TBX4: variants seen among roughly 807,000 people sequenced by gnomAD.
TBX4 encodes T-box transcription factor TBX4.
Under a neutral mutation model 54.6 loss-of-function variants are expected in TBX4, and 13 were observed. The observed-to-expected ratio is 0.24, with a 90% CI of 0.15 to 0.38. The LOEUF is 0.38. TBX4 is among the 10% of genes least tolerant of loss of function. TBX4 has a pLI of 1.00. For missense variants in TBX4, 631 were observed against 728.5 expected (o/e 0.87, Z 1.54); for synonymous variants, 314 against 306.7 (o/e 1.02, Z -0.25).
At position 61,457,206 on chromosome 17, in the gene TBX4, T is replaced by C. The variant is rs1312737377; in HGVS notation, c.187-331T>C. ...GGCCGAGGGTGCGTGCGCCTCTCCCTGTCTGTGTCTGCCCCGGGAGCCTGT... is the reference window on the plus strand; with the variant it reads ...GGCCGAGGGTGCGTGCGCCTCTCCCCGTCTGTGTCTGCCCCGGGAGCCTGT... On this transcript the variant is annotated intron_variant, in intron 2 of 8. Transcript: ENST00000644296. This position sits in a 1 kb window ranked among gnomAD's most constrained non-coding sequence, Gnocchi z 8.2. Among the ~76,000 whole-genome samples the C allele has an allele frequency of 6.6e-6, 1 of 152,030 alleles. No individual in the cohort carries two copies. Among genetic ancestry groups the C allele is most frequent in the Non-Finnish European group, 1.5e-5 (1 of 67,982 alleles).
In TBX4 at chr17:61,452,516, G is replaced by A. The variant is rs2060421764; in HGVS notation, c.-65G>A. ...GAGCCCCGGCCGTCCCGCGCTCCTCGGACCCGAACCTGCAGGGGACCTCGG... is the reference window on the plus strand; with the variant it reads ...GAGCCCCGGCCGTCCCGCGCTCCTCAGACCCGAACCTGCAGGGGACCTCGG... On this transcript the variant is annotated 5_prime_UTR_variant, in exon 1 of 9. Transcript: ENST00000644296. The A allele has an allele frequency of 6.6e-6, 1 of 152,356 alleles. No homozygotes were observed. The highest frequency in any genetic ancestry group is 2.4e-5 in the African/African-American group (1 of 41,454). The allele number at this position is 152,356 out of a possible 1,614,324, so 9.4% of individuals were successfully genotyped here.
intron 4 of TBX4, among the ~76,000 whole-genome samples, chr17:61,466,543 C>T (rs2060538663): frequency 6.6e-6 from 1 of 152,336 alleles, no homozygotes. Context: ...TTTCATGAAG[C>T]CAACTCCTTA....
At position 61,466,153 on chromosome 17, in the gene TBX4, G is replaced by C. The variant is rs3744446; in HGVS notation, c.401+215G>C. 0.097 allele frequency among the ~76,000 whole-genome samples: 14,800 copies of C among 152,134 alleles called. 808 individuals carry two copies. Among genetic ancestry groups the C allele is most frequent in the East Asian group, 0.2 (1,043 of 5,148 alleles). On this transcript the variant is annotated intron_variant, in intron 4 of 8. Coordinates refer to ENST00000644296, the MANE Select transcript of TBX4 (RefSeq NM_001321120.2). ...GGTGGGGCTGGGTTTGGGCTGAAAA[G>C]CAGCTGCGTGTTTGGGAGTTTGGTG...
intron 5 of TBX4, among the ~76,000 whole-genome samples, chr17:61,477,941 C>CAAAAAAAAAAAAAAAAAGAAAAAAAAAAA: frequency 1.1e-5 from 1 of 88,668 alleles, no homozygotes; most frequent in Non-Finnish European, 2.3e-5. Context: ...GATTCCATCT[C>CAAAAAAAAAAAAAAAAAGAAAAAAAAAAA]AAAAAAAAAA....
rs1048738405 is a variant in TBX4, at chr17:61,483,862, A to T, written c.*346A>T. On this transcript the variant is annotated 3_prime_UTR_variant, in exon 9 of 9. Coordinates refer to ENST00000644296, the MANE Select transcript of TBX4 (RefSeq NM_001321120.2). This position sits in a 1 kb window ranked among gnomAD's most constrained non-coding sequence, Gnocchi z 6.6. ...TATTGAGAGGGTTTTATAATGGTTG[A>T]TTTACTCAGGGGCCAGGTGGGGAGT... The T allele has an allele frequency of 3.3e-6, 1 of 303,038 alleles. No homozygotes were observed. Among genetic ancestry groups the T allele is most frequent in the Non-Finnish European group, 6.4e-6 (1 of 156,352 alleles). The allele number at this position is 303,038 out of a possible 1,614,324, so 18.8% of individuals were successfully genotyped here.
At chr17:61,473,485 C>G (rs997982000) in intron 5 of TBX4, among the ~76,000 whole-genome samples, 1 of 152,212 alleles carries the variant, frequency 6.6e-6, no homozygotes, top group Non-Finnish European at 1.5e-5. Context: ...AGATGTCCCC[C>G]CAAAGCTTAT....
rs566588505 is a variant in TBX4 at position 61,459,009 on chromosome 17, C to A, written c.281+1378C>A. Among the ~76,000 whole-genome samples the A allele has an allele frequency of 6.6e-6, 1 of 152,376 alleles. No individual in the cohort carries two copies. The highest frequency in any genetic ancestry group is 1.5e-5 in the Non-Finnish European group (1 of 68,040). On this transcript the variant is annotated intron_variant, in intron 3 of 8. Transcript: ENST00000644296. This position sits in a 1 kb window ranked among gnomAD's most constrained non-coding sequence, Gnocchi z 4.8. The stretch of plus-strand genomic sequence containing the variant: ...GTGGAGGTCTGGGCACTTGGCCACC[C>A]TCAGGCCTTAGCCAGGGAGGTGGCA...
chr17:61,472,675 C>A lies in TBX4; in HGVS notation c.549+5018C>A, dbSNP rs1375619037. ...ATTTTGAGTTATTGAAAGCCCTAACCCCCCTCCTTACTTATAAGGGACTTT... is the reference window on the plus strand; with the variant it reads ...ATTTTGAGTTATTGAAAGCCCTAACACCCCTCCTTACTTATAAGGGACTTT... On this transcript the variant is annotated intron_variant, in intron 5 of 8. Transcript: ENST00000644296. The surrounding 1 kb of genome is among the most constrained non-coding windows in gnomAD (Gnocchi z 4.5). Among the ~76,000 whole-genome samples, 1 of 152,158 alleles carries A rather than the reference C, an allele frequency of 6.6e-6. No homozygotes were observed. The highest frequency in any genetic ancestry group is 2.4e-5 in the African/African-American group (1 of 41,438).
chr17:61,480,449 G>C lies in TBX4; in HGVS notation c.1021+130G>C, dbSNP rs183407680. The C allele has an allele frequency of 1.2e-5, 10 of 859,988 alleles. No individual in the cohort carries two copies. The East Asian group carries it at 2.6e-4, about 23-fold the overall frequency. The allele number at this position is 859,988 out of a possible 1,614,324, so 53.3% of individuals were successfully genotyped here. A position where few individuals can be genotyped will look rare whatever the true frequency, so the allele number is the denominator to read the frequency against. ...TCGTGCTTGTGTGGCCTGGGAGAGTGGGCCTGAAGGGTTAGGGATCACAGC... is the reference window on the plus strand; with the variant it reads ...TCGTGCTTGTGTGGCCTGGGAGAGTCGGCCTGAAGGGTTAGGGATCACAGC... On this transcript the variant is annotated intron_variant, in intron 8 of 8. Transcript: ENST00000644296. The surrounding 1 kb of genome is among the most constrained non-coding windows in gnomAD (Gnocchi z 6.2).
Position 61,483,613 on chromosome 17 carries a change from AGTGTGTGTGTGTGTGTGTGTGT to A in TBX4, c.*116_*137del. 4 of 781,268 alleles carry A rather than the reference AGTGTGTGTGTGTGTGTGTGTGT, an allele frequency of 5.1e-6. No individual in the cohort carries two copies. Among genetic ancestry groups the A allele is most frequent in the Non-Finnish European group, 8.2e-6 (4 of 486,740 alleles). The allele number at this position is 781,268 out of a possible 1,614,324, so 48.4% of individuals were successfully genotyped here. ...ACCAAGAAACACAGGAAGGTATTCC[AGTGTGTGTGTGTGTGTGTGTGT>A]GTGTGTGTGTGTGTGTGTATACACG... On this transcript the variant is annotated 3_prime_UTR_variant, in exon 9 of 9. Transcript: ENST00000644296. This position sits in a 1 kb window ranked among gnomAD's most constrained non-coding sequence, Gnocchi z 6.6.
At position 61,484,214 on chromosome 17, in the gene TBX4, T is replaced by G. The variant is rs1202317529; in HGVS notation, c.*698T>G. 1 of 152,088 alleles carries G rather than the reference T, an allele frequency of 6.6e-6. No individual in the cohort carries two copies. Among genetic ancestry groups the G allele is most frequent in the East Asian group, 1.9e-4 (1 of 5,184 alleles). 9.4% of individuals were successfully genotyped at this position (152,088 alleles called of 1,614,324 possible). On this transcript the variant is annotated 3_prime_UTR_variant, in exon 9 of 9. Coordinates refer to ENST00000644296, the MANE Select transcript of TBX4 (RefSeq NM_001321120.2). The surrounding 1 kb of genome is among the most constrained non-coding windows in gnomAD (Gnocchi z 4.1). The stretch of plus-strand genomic sequence containing the variant: ...GGGCTAAATGTCACCTGAGGGGTAT[T>G]TTTAAAGGGTTTTTTTTTCCCTTCA...
chr17:61,465,648 G>A lies in TBX4; in HGVS notation c.282-171G>A. 1.2e-6 allele frequency: 1 copy of A among 811,706 alleles called. No homozygotes were observed. The highest frequency in any genetic ancestry group is 2.6e-5 in the East Asian group (1 of 38,198). 50.3% of individuals were successfully genotyped at this position (811,706 alleles called of 1,614,324 possible). Reference sequence around the variant, plus strand: ...GCCAGTGCCACCTTTTCACTGTGCAGCTCGGGCAGAGGGGGAAGTGAGTTG... The same window carrying A: ...GCCAGTGCCACCTTTTCACTGTGCAACTCGGGCAGAGGGGGAAGTGAGTTG... On this transcript the variant is annotated intron_variant, in intron 3 of 8. Transcript: ENST00000644296. The surrounding 1 kb of genome is among the most constrained non-coding windows in gnomAD (Gnocchi z 4.9).
In TBX4 at chr17:61,474,739, A is replaced by C. The variant is rs144505717; in HGVS notation, c.550-3888A>C. On this transcript the variant is annotated intron_variant, in intron 5 of 8. Coordinates refer to ENST00000644296, the MANE Select transcript of TBX4 (RefSeq NM_001321120.2). This position sits in a 1 kb window ranked among gnomAD's most constrained non-coding sequence, Gnocchi z 4.6. Reference sequence around the variant, plus strand: ...TTTGGCCCCATATCCTCTGCAGCAAATATAAATGTGAAACTCTGGCAAAGT... The same window carrying C: ...TTTGGCCCCATATCCTCTGCAGCAACTATAAATGTGAAACTCTGGCAAAGT... Among the ~76,000 whole-genome samples the C allele has an allele frequency of 5.3e-5, 8 of 152,336 alleles. No homozygotes were observed. The East Asian group carries it at 1.5e-3, about 29-fold the overall frequency.
At position 61,457,989 on chromosome 17, in the gene TBX4, A is replaced by C. The variant is rs1335086509; in HGVS notation, c.281+358A>C. On this transcript the variant is annotated intron_variant, in intron 3 of 8. Transcript: ENST00000644296. This position sits in a 1 kb window ranked among gnomAD's most constrained non-coding sequence, Gnocchi z 8.2. ...GAGGAGGTTTCTCAGGAATGCATTGATTGGAGACCCAGAGATGCCTCTCAG... is the reference window on the plus strand; with the variant it reads ...GAGGAGGTTTCTCAGGAATGCATTGCTTGGAGACCCAGAGATGCCTCTCAG... 6.6e-6 allele frequency among the ~76,000 whole-genome samples: 1 copy of C among 152,186 alleles called. No individual in the cohort carries two copies. The highest frequency in any genetic ancestry group is 2.4e-5 in the African/African-American group (1 of 41,452).
At chr17:61,482,679 C>G (rs2093596852) in intron 8 of TBX4, among the ~76,000 whole-genome samples, 1 of 151,694 alleles carries the variant, frequency 6.6e-6, no homozygotes, top group African/African-American at 2.4e-5. Flanking sequence ...GATGTGGTGT[C>G]CCCCGTGGCC....
rs2060636719 is a variant in TBX4 at position 61,478,265 on chromosome 17, A to G, written c.550-362A>G. On this transcript the variant is annotated intron_variant, in intron 5 of 8. Coordinates refer to ENST00000644296, the MANE Select transcript of TBX4 (RefSeq NM_001321120.2). This position sits in a 1 kb window ranked among gnomAD's most constrained non-coding sequence, Gnocchi z 7.4. ...AAACAGTGACTCGGTGGCACCCTGG[A>G]CTTTTGCTGACAGCTCACAATTCCA... 3.0e-6 allele frequency: 1 copy of G among 331,250 alleles called. No homozygotes were observed. Among genetic ancestry groups the G allele is most frequent in the South Asian group, 2.9e-5 (1 of 34,200 alleles). 20.5% of individuals were successfully genotyped at this position (331,250 alleles called of 1,614,324 possible).
Position 61,461,578 on chromosome 17 carries a change from T to C in TBX4, c.281+3947T>C, listed in dbSNP as rs906607063. On this transcript the variant is annotated intron_variant, in intron 3 of 8. Coordinates refer to ENST00000644296, the MANE Select transcript of TBX4 (RefSeq NM_001321120.2). This position sits in a 1 kb window ranked among gnomAD's most constrained non-coding sequence, Gnocchi z 5.1. ...GCGCCTGTGTATGTGTACACACATA[T>C]ATAATTTTTAACCTAAATGTATTGA... Among the ~76,000 whole-genome samples the C allele has an allele frequency of 6.6e-6, 1 of 152,220 alleles. No individual in the cohort carries two copies. Among genetic ancestry groups the C allele is most frequent in the South Asian group, 2.1e-4 (1 of 4,830 alleles).
intron 5 of TBX4, among the ~76,000 whole-genome samples, chr17:61,470,159 G>T (rs1569039211): frequency 6.6e-6 from 1 of 152,146 alleles, no homozygotes; most frequent in Non-Finnish European, 1.5e-5. Flanking sequence ...GGTCCAACAG[G>T]TGGACTCAGT....
chr17:61,475,789 C>G lies in TBX4; in HGVS notation c.550-2838C>G, dbSNP rs2060615973. 6.6e-6 allele frequency among the ~76,000 whole-genome samples: 1 copy of G among 152,162 alleles called. No individual in the cohort carries two copies. Among genetic ancestry groups the G allele is most frequent in the African/African-American group, 2.4e-5 (1 of 41,432 alleles). On this transcript the variant is annotated intron_variant, in intron 5 of 8. Coordinates refer to ENST00000644296, the MANE Select transcript of TBX4 (RefSeq NM_001321120.2). The surrounding 1 kb of genome is among the most constrained non-coding windows in gnomAD (Gnocchi z 5.0). ...TGCCTATGGCTCTGTCCTGGGTTCT[C>G]TCAGCCCACGGTCTTTGTTCTCCCT...
Sources: gnomAD v4.1 joint callset for allele counts (sites outside exome capture counted in the v4.1 genomes callset) on GRCh38, gnomAD v4.1.1 for gene constraint, Gnocchi (gnomAD v3.1) non-coding constraint, MANE v1.5 for transcripts, NCBI Gene and HGNC (gene_info 2026-07-23, HGNC 2026-07-21) for gene names.